The following SCFD2 variants were observed in gnomAD, a reference collection of about 807,000 sequenced individuals.
SCFD2 encodes the protein sec1 family domain containing 2.
In SCFD2, 54 loss-of-function variants were observed where a neutral mutation model predicts 58.9. That is an observed-to-expected ratio of 0.92 (90% confidence interval 0.74 to 1.15). SCFD2 has a LOEUF of 1.15. Among genes scored for constraint, SCFD2 ranks in the 50% most tolerant of loss-of-function variants. The pLI is 0.00. For missense variants in SCFD2, 805 were observed against 836.6 expected, an observed-to-expected ratio of 0.96 and a Z score of 0.47; for synonymous variants, 321 against 335.9, an observed-to-expected ratio of 0.96 and a Z score of 0.49.
chr4:53,002,665 C>T (rs1721888831), intron 5 of SCFD2, among the ~76,000 whole-genome samples: 1 of 152,166 alleles, frequency 6.6e-6, no homozygotes, highest in Non-Finnish European at 1.5e-5. Flanking sequence ...TCTTCTGGAA[C>T]TTAAAGATCT....
At chr4:53,274,528 T>C (rs1366921862) in intron 3 of SCFD2, among the ~76,000 whole-genome samples, 1 of 152,124 alleles carries the variant, frequency 6.6e-6, no homozygotes, top group African/African-American at 2.4e-5. Context: ...CAAAAATGTA[T>C]CAAGAACTAC....
At chr4:53,338,590 T>TTTTTC (rs1390744466) in intron 2 of SCFD2, among the ~76,000 whole-genome samples, 1 of 93,112 alleles carries the variant, frequency 1.1e-5, no homozygotes, top group Non-Finnish European at 2.4e-5. Context: ...TTTTTTTTTT[T>TTTTTC]TTTTTTGTGA....
intron 5 of SCFD2, among the ~76,000 whole-genome samples, chr4:53,081,090 C>T (rs142223620): frequency 1.1e-3 from 163 of 152,234 alleles, no homozygotes; most frequent in Non-Finnish European, 1.6e-3. Flanking sequence ...CCTGTAAATG[C>T]AACACATGAT....
intron 2 of SCFD2, among the ~76,000 whole-genome samples, chr4:53,330,523 T>C (rs1312801766): frequency 1.3e-5 from 2 of 152,008 alleles, no homozygotes; most frequent in Non-Finnish European, 2.9e-5. Context: ...ACAAATAAAA[T>C]ACTTTACAGA....
intron 5 of SCFD2, among the ~76,000 whole-genome samples, chr4:52,924,325 G>A (rs1466219127): frequency 6.6e-6 from 1 of 152,104 alleles, no homozygotes; most frequent in Non-Finnish European, 1.5e-5. Flanking sequence ...TAATTGCAGG[G>A]ATTTAGTTCT....
chr4:53,057,330 T>C (rs756193840), intron 5 of SCFD2, among the ~76,000 whole-genome samples: 3 of 151,820 alleles, frequency 2.0e-5, no homozygotes, highest in Non-Finnish European at 2.9e-5. Context: ...TATGCAGCCA[T>C]AAAAAGGAAT....
intron 4 of SCFD2, among the ~76,000 whole-genome samples, chr4:53,159,353 C>T (rs1326596946): frequency 6.6e-6 from 1 of 152,136 alleles, no homozygotes; most frequent in Non-Finnish European, 1.5e-5. Context: ...TCCAACTCAA[C>T]GCCATCTTTC....
chr4:53,352,508 A>G lies in SCFD2; in HGVS notation c.1007+90T>C, dbSNP rs150356664. On this transcript the variant is annotated intron_variant, in intron 2 of 8. Transcript: ENST00000401642. ...AAATTTTCAACCAGACCAATTCTTC[A>G]TTGCTTTTTTCCTATGGGAATACTC... The G allele has an allele frequency of 1.6e-4, 171 of 1,082,136 alleles. 2 individuals carry two copies. In the East Asian group the frequency reaches 4.1e-3, roughly 26 times the overall value. 67.0% of individuals were successfully genotyped at this position (1,082,136 alleles called of 1,614,324 possible). A position where few individuals can be genotyped will look rare whatever the true frequency, so the allele number is the denominator to read the frequency against.
chr4:53,183,262 AC>A (rs1406352486), intron 4 of SCFD2, among the ~76,000 whole-genome samples: 27 of 152,328 alleles, frequency 1.8e-4, no homozygotes, highest in African/African-American at 6.3e-4. Flanking sequence ...TAAATGTCCA[AC>A]AACAATAGAC....
chr4:53,111,578 G>A (rs745975294), intron 5 of SCFD2, among the ~76,000 whole-genome samples: 1 of 152,046 alleles, frequency 6.6e-6, no homozygotes, highest in African/African-American at 2.4e-5. Context: ...CACATTCCTG[G>A]AAACAAAGTC....
At chr4:52,964,015 T>C (rs975704024) in intron 5 of SCFD2, among the ~76,000 whole-genome samples, 1 of 152,246 alleles carries the variant, frequency 6.6e-6, no homozygotes, top group Non-Finnish European at 1.5e-5. Context: ...TCTCTTGTCA[T>C]TAATTGGGAA....
intron 2 of SCFD2, among the ~76,000 whole-genome samples, chr4:53,342,852 A>G (rs1365420368): frequency 6.6e-6 from 1 of 152,236 alleles, no homozygotes; most frequent in Non-Finnish European, 1.5e-5. Flanking sequence ...CTGCTCCTGA[A>G]TGAATACTGG....
At chr4:53,144,534 T>C (rs1166208405) in intron 5 of SCFD2, among the ~76,000 whole-genome samples, 1 of 147,762 alleles carries the variant, frequency 6.8e-6, no homozygotes, top group African/African-American at 2.5e-5. Context: ...GGAATATATA[T>C]ATTTTTTATA....
intron 6 of SCFD2, among the ~76,000 whole-genome samples, chr4:52,911,016 G>A (rs1338079306): frequency 1.3e-5 from 2 of 151,762 alleles, no homozygotes; most frequent in African/African-American, 4.8e-5. Context: ...TTTATTAGCA[G>A]CATGAGAACG....
At chr4:53,030,477 C>T (rs564876056) in intron 5 of SCFD2, among the ~76,000 whole-genome samples, 1 of 151,998 alleles carries the variant, frequency 6.6e-6, no homozygotes, top group South Asian at 2.1e-4. Context: ...GGCTGGAGTG[C>T]AGTGGCGCGA....
At chr4:53,264,818 A>G (rs932525797) in intron 4 of SCFD2, among the ~76,000 whole-genome samples, 7 of 152,318 alleles carry the variant, frequency 4.6e-5, no homozygotes, top group African/African-American at 1.7e-4. Context: ...TAAAAAACCA[A>G]TCCTACCTAT....
At chr4:52,985,425 T>C (rs1721466511) in intron 5 of SCFD2, among the ~76,000 whole-genome samples, 2 of 152,320 alleles carry the variant, frequency 1.3e-5, no homozygotes, top group South Asian at 4.1e-4. Context: ...AATGCTAAAA[T>C]AGAAGGCTTT....
chr4:52,963,881 A>G (rs1373938293), intron 5 of SCFD2, among the ~76,000 whole-genome samples: 1 of 152,234 alleles, frequency 6.6e-6, no homozygotes, highest in Non-Finnish European at 1.5e-5. Context: ...CAACATTAAA[A>G]GTTCCATATT....
At position 53,125,474 on chromosome 4, in the gene SCFD2, A is replaced by G. The variant is rs758434313; in HGVS notation, c.1561+19859T>C. On this transcript the variant is annotated intron_variant, in intron 5 of 8. Transcript: ENST00000401642. ...ATTTTGAAATTTTCCCGTTTATCAC[A>G]GTCAACAAAAATTTATCAGATATTC... Among the ~76,000 whole-genome samples the G allele has an allele frequency of 4.6e-5, 7 of 152,306 alleles. No homozygotes were observed. In the East Asian group the frequency reaches 7.7e-4, roughly 17 times the overall value.
Sources: allele counts gnomAD v4.1 joint callset (sites outside exome capture counted in the v4.1 genomes callset), GRCh38; gene constraint gnomAD v4.1.1; transcripts MANE v1.5; gene names NCBI Gene and HGNC (gene_info 2026-07-23, HGNC 2026-07-21).